Variants in HOXB3 observed in about 807,000 individuals in gnomAD.
The protein encoded by HOXB3 is homeobox B3.
Under a neutral mutation model 29.2 loss-of-function variants are expected in HOXB3, and 17 were observed. That is an observed-to-expected ratio of 0.58 (90% confidence interval 0.40 to 0.87). HOXB3 has a LOEUF of 0.87. Among genes scored for constraint, HOXB3 ranks in the 40% least tolerant of loss-of-function variants. The pLI, the probability that HOXB3 is intolerant of heterozygous loss-of-function variation, is 0.00. For missense variants in HOXB3, 637 were observed against 616.3 expected, an observed-to-expected ratio of 1.03 and a Z score of -0.35; for synonymous variants, 317 against 285.9, an observed-to-expected ratio of 1.11 and a Z score of -1.10.
intron 1 of HOXB3, chr17:48,576,442 T>C: frequency 2.8e-6 from 1 of 352,422 alleles, no homozygotes; most frequent in Non-Finnish European, 5.1e-6. Context: ...TTTTTCTTTC[T>C]TCCTTCTTCT....
At chr17:48,568,246 T>C (rs2069455242) in intron 2 of HOXB3, among the ~76,000 whole-genome samples, 2 of 152,208 alleles carry the variant, frequency 1.3e-5, no homozygotes, top group African/African-American at 4.8e-5. Context: ...TGGAGCTCTG[T>C]CTGCTGCTGC....
intron 1 of HOXB3, among the ~76,000 whole-genome samples, chr17:48,589,678 G>C (rs1016588614): frequency 6.6e-6 from 1 of 152,154 alleles, no homozygotes; most frequent in East Asian, 1.9e-4. Context: ...GATGTATCCA[G>C]ATAAAAGTGC....
Position 48,550,914 on chromosome 17 carries a change from C to T in HOXB3, c.716G>A (p.Arg239Gln). The T allele has an allele frequency of 1.9e-6, 3 of 1,614,012 alleles. No homozygotes were observed. The highest frequency in any genetic ancestry group is 2.5e-6 in the Non-Finnish European group (3 of 1,179,964). ...ERQIKIWFQN[R>Q]RMKYKKDQKA... ...CTGGTCCTTCTTGTACTTCATGCGC[C>T]GGTTCTGGAACCAGATCTTGATCTG... Residue 239 changes from arginine to glutamine, a missense_variant, in exon 5 of 5, where the codon CGG (arginine) becomes CAG (glutamine). Physicochemically the swap from Arg to Gln is conservative, Grantham distance 43. Transcript: ENST00000498678.
chr17:48,552,767 G>T, intron 3 of HOXB3, 135 bp from the exon 4 acceptor site: 1 of 370,760 alleles, frequency 2.7e-6, no homozygotes, highest in Non-Finnish European at 4.8e-6. Context: ...CAGATGCTGA[G>T]AAAAAAAAGC....
At chr17:48,585,044 T>A (rs903490844) in intron 1 of HOXB3, among the ~76,000 whole-genome samples, 1 of 151,948 alleles carries the variant, frequency 6.6e-6, no homozygotes, top group Non-Finnish European at 1.5e-5. Flanking sequence ...CAGGGTCTCA[T>A]TCTGCTACGC....
At chr17:48,564,508 C>G (rs991651234) in intron 2 of HOXB3, among the ~76,000 whole-genome samples, 3 of 152,186 alleles carry the variant, frequency 2.0e-5, no homozygotes, top group African/African-American at 7.2e-5. Context: ...GCGCGGCAGA[C>G]GCCAGTTTCC....
intron 1 of HOXB3, chr17:48,579,518 G>A (rs1287278829): frequency 6.6e-6 from 1 of 152,556 alleles, no homozygotes; most frequent in Admixed American, 6.5e-5. Context: ...CTGAAGACAA[G>A]TCATTTTTTT....
chr17:48,566,548 G>A (rs2069394384), intron 2 of HOXB3, among the ~76,000 whole-genome samples: 1 of 152,150 alleles, frequency 6.6e-6, no homozygotes, highest in South Asian at 2.1e-4. Flanking sequence ...AGATGGAAAA[G>A]GGTTGGGGAG....
intron 1 of HOXB3, among the ~76,000 whole-genome samples, chr17:48,577,202 CT>C (rs2069794194): frequency 6.6e-6 from 1 of 152,138 alleles, no homozygotes; most frequent in Non-Finnish European, 1.5e-5. Context: ...AGAAAGAGAC[CT>C]CCAAGTTTTG....
At chr17:48,572,685 G>T (rs1012090583) in intron 2 of HOXB3, among the ~76,000 whole-genome samples, 1 of 152,154 alleles carries the variant, frequency 6.6e-6, no homozygotes, top group Non-Finnish European at 1.5e-5. Context: ...GGACCCTTGG[G>T]CTAAAAATCT....
At chr17:48,585,937 G>A (rs1486789762) in intron 1 of HOXB3, among the ~76,000 whole-genome samples, 3 of 152,142 alleles carry the variant, frequency 2.0e-5, no homozygotes, top group African/African-American at 7.2e-5. Flanking sequence ...AATGGTCTGG[G>A]GCCTGCGAGG....
intron 2 of HOXB3, among the ~76,000 whole-genome samples, chr17:48,567,951 C>A (rs1296115643): frequency 6.6e-6 from 1 of 152,150 alleles, no homozygotes; most frequent in Non-Finnish European, 1.5e-5. Context: ...CATTGTCTCC[C>A]CCAATTTGGG....
intron 1 of HOXB3, chr17:48,580,301 C>T (rs982945256): frequency 6.5e-6 from 1 of 153,352 alleles, no homozygotes; most frequent in Non-Finnish European, 1.4e-5. Context: ...TCGCGCCCCT[C>T]CCCTCCCCCC....
chr17:48,572,594 G>T (rs554962619), intron 2 of HOXB3, among the ~76,000 whole-genome samples: 1 of 152,172 alleles, frequency 6.6e-6, no homozygotes, highest in Non-Finnish European at 1.5e-5. Flanking sequence ...GAGTGGTTGC[G>T]GGGAGGATGG....
At chr17:48,551,878 AG>A in intron 4 of HOXB3, 148 bp downstream of exon 4, 1 of 725,452 alleles carries the variant, frequency 1.4e-6, no homozygotes, top group South Asian at 1.8e-5. Flanking sequence ...AGGGGTCATT[AG>A]GGGGTAGGGG....
intron 1 of HOXB3, chr17:48,579,987 G>A (rs753666064): frequency 1.3e-4 from 65 of 498,822 alleles, no homozygotes; most frequent in Non-Finnish European, 2.5e-4. Flanking sequence ...TACTTTCCGC[G>A]CCTTCTTCGT....
At chr17:48,573,800 G>T (rs182008932) in intron 2 of HOXB3, 37 bp downstream of exon 2, 12 of 694,292 alleles carry the variant, frequency 1.7e-5, no homozygotes. Flanking sequence ...CTCATAAAAC[G>T]ATCAAAACAC....
At chr17:48,558,386 G>A (rs547576481) in intron 2 of HOXB3, among the ~76,000 whole-genome samples, 26 of 152,202 alleles carry the variant, frequency 1.7e-4, no homozygotes, top group African/African-American at 6.0e-4. Context: ...AAAGAGGACC[G>A]AGAAGCAAGA....
chr17:48,572,438 TTCTC>T (rs1370338138), intron 2 of HOXB3, among the ~76,000 whole-genome samples: 1 of 152,198 alleles, frequency 6.6e-6, no homozygotes, highest in East Asian at 1.9e-4. Context: ...GATAAGCCCT[TTCTC>T]TCCTCGCAGC....
Sources: allele counts gnomAD v4.1 joint callset (sites outside exome capture counted in the v4.1 genomes callset), GRCh38; gene constraint gnomAD v4.1.1; transcripts MANE v1.5; gene names NCBI Gene and HGNC (gene_info 2026-07-23, HGNC 2026-07-21).